JARID2: variants seen among roughly 807,000 people sequenced by gnomAD.
The protein encoded by JARID2 is jumonji and AT-rich interaction domain containing 2.
In JARID2, 21 loss-of-function variants were observed where a neutral mutation model predicts 125.6. That is an observed-to-expected ratio of 0.17 (90% CI 0.12 to 0.24). JARID2 has a LOEUF of 0.24. JARID2 is among the 10% of genes least tolerant of loss of function. The pLI is 1.00. For synonymous variants in JARID2, 736 were observed against 661.6 expected (o/e 1.11, Z -1.73); for missense variants, 1,303 against 1,639.6 (o/e 0.79, Z 3.55).
chr6:15,435,379 C>A (rs1446717230), intron 3 of JARID2, among the ~76,000 whole-genome samples: 1 of 152,190 alleles, frequency 6.6e-6, no homozygotes, highest in Non-Finnish European at 1.5e-5. Flanking sequence ...TTTACAACTT[C>A]TCAGGAAAGA....
chr6:15,293,085 G>T (rs1761285740), intron 1 of JARID2, among the ~76,000 whole-genome samples: 1 of 152,216 alleles, frequency 6.6e-6, no homozygotes, highest in African/African-American at 2.4e-5. Context: ...TTGGGAAGTT[G>T]ATCTTTGTCT....
intron 3 of JARID2, among the ~76,000 whole-genome samples, chr6:15,443,052 T>C (rs1767514848): frequency 6.6e-6 from 1 of 151,876 alleles, no homozygotes; most frequent in Non-Finnish European, 1.5e-5. Context: ...ATTTTTTTCC[T>C]CCTCTTTCCT....
chr6:15,476,773 T>C (rs778176464), intron 5 of JARID2, among the ~76,000 whole-genome samples: 4 of 152,230 alleles, frequency 2.6e-5, no homozygotes, highest in Non-Finnish European at 5.9e-5. Flanking sequence ...AGGTAATGAC[T>C]ATTTGGAAAC....
intron 1 of JARID2, among the ~76,000 whole-genome samples, chr6:15,351,832 T>C (rs1763438172): frequency 6.6e-6 from 1 of 152,080 alleles, no homozygotes; most frequent in South Asian, 2.1e-4. Flanking sequence ...ATGGCCTGAG[T>C]CACTCACCCT....
intron 1 of JARID2, among the ~76,000 whole-genome samples, chr6:15,315,490 A>T (rs1762149032): frequency 6.6e-6 from 1 of 152,240 alleles, no homozygotes; most frequent in Admixed American, 6.5e-5. Context: ...TAGTGCAGTC[A>T]GTACACCATA....
chr6:15,251,573 C>T (rs540711570), intron 1 of JARID2, among the ~76,000 whole-genome samples: 3 of 152,318 alleles, frequency 2.0e-5, no homozygotes, highest in East Asian at 1.9e-4. Context: ...GTACCTCTGT[C>T]CCCTTTGGCT....
intron 6 of JARID2, among the ~76,000 whole-genome samples, chr6:15,493,616 G>A (rs1053220883): frequency 2.6e-5 from 4 of 152,134 alleles, no homozygotes; most frequent in Non-Finnish European, 5.9e-5. Context: ...CTGAGATAGA[G>A]CCCTTCCCCA....
At chr6:15,383,439 G>T (rs1189704405) in intron 2 of JARID2, among the ~76,000 whole-genome samples, 1 of 151,618 alleles carries the variant, frequency 6.6e-6, no homozygotes, top group Non-Finnish European at 1.5e-5. Flanking sequence ...CTCTTTACTG[G>T]TTCATTCCCA....
At chr6:15,325,026 C>T (rs573607431) in intron 1 of JARID2, among the ~76,000 whole-genome samples, 3 of 152,010 alleles carry the variant, frequency 2.0e-5, no homozygotes, top group Admixed American at 6.5e-5. Context: ...TCTGTGTATT[C>T]GTATGTGTTT....
chr6:15,470,069 C>T (rs769168915), intron 5 of JARID2, among the ~76,000 whole-genome samples: 3 of 151,314 alleles, frequency 2.0e-5, no homozygotes, highest in Non-Finnish European at 4.4e-5. Context: ...CCCAGCTACT[C>T]GAGAGGCTGA....
chr6:15,281,922 C>CTGTGTG (rs1491304835), intron 1 of JARID2, among the ~76,000 whole-genome samples: 1 of 122,226 alleles, frequency 8.2e-6, no homozygotes, highest in African/African-American at 3.2e-5. Context: ...AGGGTATGTG[C>CTGTGTG]TCTGTGTGTG....
intron 7 of JARID2, among the ~76,000 whole-genome samples, chr6:15,497,858 G>A (rs556610555): frequency 2.6e-5 from 4 of 152,216 alleles, no homozygotes; most frequent in African/African-American, 9.6e-5. Context: ...AGCAGGGTTG[G>A]TTTCTCCCGA....
chr6:15,425,679 G>T (rs1267295259), intron 3 of JARID2, among the ~76,000 whole-genome samples: 1 of 152,162 alleles, frequency 6.6e-6, no homozygotes, highest in Admixed American at 6.5e-5. Flanking sequence ...ATCACCATAT[G>T]CCTGTCCATC....
chr6:15,297,119 TCA>T (rs1371126703), intron 1 of JARID2, among the ~76,000 whole-genome samples: 1 of 152,224 alleles, frequency 6.6e-6, no homozygotes, highest in Non-Finnish European at 1.5e-5. Context: ...TAGTTGTCAT[TCA>T]TTGACTGCTT....
At chr6:15,382,854 T>A (rs974425569) in intron 2 of JARID2, among the ~76,000 whole-genome samples, 2 of 152,224 alleles carry the variant, frequency 1.3e-5, no homozygotes, top group Non-Finnish European at 2.9e-5. Context: ...CCTCTCTTTC[T>A]CTCTGCCCGC....
At chr6:15,501,545 GGTGATAGCGCT>G in intron 8 of JARID2, 136 bp downstream of exon 8, 1 of 758,492 alleles carries the variant, frequency 1.3e-6, no homozygotes. Flanking sequence ...CACTGTGCTG[GGTGATAGCGCT>G]GTATTAGTCC....
rs959538012 is a variant in JARID2 at position 15,259,661 on chromosome 6, G to C, written c.45+13077G>C. On this transcript the variant is annotated intron_variant, in intron 1 of 17. Coordinates refer to ENST00000341776, the MANE Select transcript of JARID2 (RefSeq NM_004973.4). The stretch of plus-strand genomic sequence containing the variant: ...CTGCACTTAGGACAGGGGTTAGATG[G>C]GTATGTTGGGGAGATGAGGTTATTT... Among the ~76,000 whole-genome samples the C allele has an allele frequency of 2.0e-5, 3 of 152,128 alleles. No homozygotes were observed. In the South Asian group the frequency reaches 6.2e-4, roughly 32 times the overall value.
chr6:15,298,941 C>T (rs1161666435), intron 1 of JARID2, among the ~76,000 whole-genome samples: 1 of 140,982 alleles, frequency 7.1e-6, no homozygotes, highest in Non-Finnish European at 1.5e-5. Flanking sequence ...CAAACTAGAA[C>T]AAGAGAAGTT....
At chr6:15,483,688 A>T (rs1423294694) in intron 5 of JARID2, among the ~76,000 whole-genome samples, 1 of 152,154 alleles carries the variant, frequency 6.6e-6, no homozygotes, top group East Asian at 1.9e-4. Context: ...ATTTTTAACG[A>T]TTAGTAATAA....
Sources: gnomAD v4.1 joint callset for allele counts (sites outside exome capture counted in the v4.1 genomes callset) on GRCh38, gnomAD v4.1.1 for gene constraint, MANE v1.5 for transcripts, NCBI Gene and HGNC (gene_info 2026-07-23, HGNC 2026-07-21) for gene names.